Variants in AIFM2 observed in about 807,000 individuals in gnomAD.
The protein encoded by AIFM2 is ferroptosis suppressor protein 1.
In AIFM2, 38 loss-of-function variants were observed where a neutral mutation model predicts 35.7. The observed-to-expected ratio is 1.06, with a 90% CI of 0.82 to 1.39. The LOEUF (loss-of-function observed/expected upper bound fraction) is 1.39, where lower values mean the gene tolerates loss of function less well. Ranked by LOEUF, AIFM2 falls within the 40% of genes most tolerant of loss-of-function variation. The pLI is 0.00. For missense variants in AIFM2, 476 were observed against 491.2 expected, an observed-to-expected ratio of 0.97 and a Z score of 0.29; for synonymous variants, 185 against 203.5, an observed-to-expected ratio of 0.91 and a Z score of 0.77.
chr10:70,121,014 C>T, intron 4 of AIFM2, 78 bp downstream of exon 4: 1 of 1,545,356 alleles, frequency 6.5e-7, no homozygotes, highest in Non-Finnish European at 8.7e-7. Context: ...CCGTGGCCTC[C>T]CAGCTGCAGG....
rs2072501428 is a variant in AIFM2, at chr10:70,121,225, A to G, written c.295-14T>C. ...GAAGGGCAGGGCCTGAGAGAAACCA[A>G]AAAAAAAAAAAAAAAAAAAAAAAAA... On this transcript the variant is annotated splice_polypyrimidine_tract_variant and intron_variant, in intron 3 of 8. Transcript: ENST00000307864. 1 of 188,704 alleles carries G rather than the reference A, an allele frequency of 5.3e-6. No homozygotes were observed. Among genetic ancestry groups the G allele is most frequent in the Non-Finnish European group, 6.6e-6 (1 of 151,320 alleles). 11.7% of individuals were successfully genotyped at this position (188,704 alleles called of 1,614,324 possible).
At position 70,116,544 on chromosome 10, in the gene AIFM2, G is replaced by A. The variant is rs146051540; in HGVS notation, c.769+78C>T. On this transcript the variant is annotated intron_variant, in intron 7 of 8. Coordinates refer to ENST00000307864, the MANE Select transcript of AIFM2 (RefSeq NM_032797.6). ...AAGGCAGCAAGGTGTGGACTCCTGG[G>A]GGCAAGCACTGCAGGGCATTCAGAG... 9.8e-4 allele frequency: 1,533 copies of A among 1,569,646 alleles called. 1 individual carries two copies. The highest frequency in any genetic ancestry group is 1.2e-3 in the Non-Finnish European group (1,400 of 1,147,222).
intron 8 of AIFM2, 31 bp downstream of exon 8, chr10:70,114,889 A>AAT: frequency 6.2e-7 from 1 of 1,609,928 alleles, no homozygotes; most frequent in Non-Finnish European, 8.5e-7. Flanking sequence ...AAACTCTATT[A>AAT]AAACTGCAAA....
At chr10:70,118,733 T>A (rs2072465293) in intron 5 of AIFM2, among the ~76,000 whole-genome samples, 1 of 152,208 alleles carries the variant, frequency 6.6e-6, no homozygotes, top group African/African-American at 2.4e-5. Context: ...AAAACCCTTG[T>A]AAATTGGGGT....
At chr10:70,128,496 C>T (rs2072593004) in intron 1 of AIFM2, among the ~76,000 whole-genome samples, 1 of 152,204 alleles carries the variant, frequency 6.6e-6, no homozygotes, top group African/African-American at 2.4e-5. Flanking sequence ...GTAGCTGGAA[C>T]TACAGGCATG....
chr10:70,115,829 C>A (rs2072430088), intron 7 of AIFM2, among the ~76,000 whole-genome samples: 1 of 152,140 alleles, frequency 6.6e-6, no homozygotes, highest in Non-Finnish European at 1.5e-5. Flanking sequence ...TAATAAATGG[C>A]AAACTGCTTT....
intron 1 of AIFM2, among the ~76,000 whole-genome samples, chr10:70,127,876 C>A (rs2072586149): frequency 6.6e-6 from 1 of 152,224 alleles, no homozygotes; most frequent in Non-Finnish European, 1.5e-5. Flanking sequence ...GCCTCTCCTG[C>A]AATCTGCTCT....
rs2072622356 is a variant in AIFM2 at position 70,131,152 on chromosome 10, G to A, written c.-14+1582C>T. Among the ~76,000 whole-genome samples, 1 of 152,216 alleles carries A rather than the reference G, an allele frequency of 6.6e-6. No individual in the cohort carries two copies. Among genetic ancestry groups the A allele is most frequent in the African/African-American group, 2.4e-5 (1 of 41,448 alleles). ...TGTGGGCTCTGATCAAAGCAAGAATGTCATCCCAGAGTTGCTCCAGTATTG... is the reference window on the plus strand; with the variant it reads ...TGTGGGCTCTGATCAAAGCAAGAATATCATCCCAGAGTTGCTCCAGTATTG... On this transcript the variant is annotated intron_variant, in intron 1 of 8. Coordinates refer to ENST00000307864, the MANE Select transcript of AIFM2 (RefSeq NM_032797.6). The surrounding 1 kb of genome is among the most constrained non-coding windows in gnomAD (Gnocchi z 4.1).
chr10:70,123,889 C>T lies in AIFM2; in HGVS notation c.178+18G>A. The T allele has an allele frequency of 6.5e-7, 1 of 1,540,526 alleles. No individual in the cohort carries two copies. ...AAGACCCCCCTCACAGAGACAGCCC[C>T]AGACGGGAGCACATTACCTGTCTCC... On this transcript the variant is annotated intron_variant, in intron 2 of 8. Coordinates refer to ENST00000307864, the MANE Select transcript of AIFM2 (RefSeq NM_032797.6).
At chr10:70,132,634 G>T (rs914141089) in intron 1 of AIFM2, 100 bp downstream of exon 1, 1 of 152,186 alleles carries the variant, frequency 6.6e-6, no homozygotes, top group Non-Finnish European at 1.5e-5. Flanking sequence ...CGCCAGACGC[G>T]GCGTGAGCCA....
At chr10:70,129,650 T>C (rs938733644) in intron 1 of AIFM2, among the ~76,000 whole-genome samples, 10 of 152,222 alleles carry the variant, frequency 6.6e-5, no homozygotes, top group Non-Finnish European at 1.2e-4. Flanking sequence ...AAAGTGCTAA[T>C]AGTGGTCATA....
intron 7 of AIFM2, among the ~76,000 whole-genome samples, chr10:70,115,514 C>T (rs2072426018): frequency 6.6e-6 from 1 of 152,230 alleles, no homozygotes; most frequent in African/African-American, 2.4e-5. Context: ...TGCCTGTAAT[C>T]CCAACTCTTT....
At chr10:70,120,344 T>A (rs2072485706) in intron 5 of AIFM2, among the ~76,000 whole-genome samples, 163 bp downstream of exon 5, 1 of 151,888 alleles carries the variant, frequency 6.6e-6, no homozygotes, top group Non-Finnish European at 1.5e-5. Flanking sequence ...GCAGGAAAAA[T>A]CCCCTATAGA....
intron 1 of AIFM2, among the ~76,000 whole-genome samples, chr10:70,125,315 A>T (rs1349700603): frequency 6.6e-6 from 1 of 151,876 alleles, no homozygotes; most frequent in East Asian, 1.9e-4. Context: ...ACTTGTAGAG[A>T]TGGGGCTGGG....
intron 1 of AIFM2, among the ~76,000 whole-genome samples, chr10:70,130,575 C>T (rs1216179119): frequency 3.3e-5 from 5 of 152,168 alleles, no homozygotes; most frequent in Admixed American, 6.5e-5. Flanking sequence ...CATCAGCTGA[C>T]GGGCACTTGG....
intron 1 of AIFM2, among the ~76,000 whole-genome samples, chr10:70,126,532 C>A (rs1308476314): frequency 6.6e-6 from 1 of 152,176 alleles, no homozygotes; most frequent in African/African-American, 2.4e-5. Context: ...TGGGGCACAA[C>A]CCCTTCCCTC....
At chr10:70,130,696 G>A (rs2072618395) in intron 1 of AIFM2, among the ~76,000 whole-genome samples, 1 of 152,174 alleles carries the variant, frequency 6.6e-6, no homozygotes, top group Non-Finnish European at 1.5e-5. Flanking sequence ...GTATGGAATT[G>A]CTGGGTCATA....
intron 3 of AIFM2, among the ~76,000 whole-genome samples, chr10:70,123,200 G>A (rs1432942325): frequency 6.6e-6 from 1 of 152,182 alleles, no homozygotes; most frequent in Non-Finnish European, 1.5e-5. Flanking sequence ...TGTATTTTCA[G>A]TAGAGACAGG....
Position 70,124,043 on chromosome 10 carries a change from C to G in AIFM2, c.42G>C (p.Val14=). 6.2e-7 allele frequency: 1 copy of G among 1,607,758 alleles called. No individual in the cohort carries two copies. ...CGCCAAAGCCCCCACCCACAATCACCACGTGCAGAGCTCCCGATTCCACCG... is the reference window on the plus strand; with the variant it reads ...CGCCAAAGCCCCCACCCACAATCACGACGTGCAGAGCTCCCGATTCCACCG... ...QVSVESGALH[V]VIVGGGFGGI... is the part of the protein sequence containing the mutation. The change falls in exon 2 of 9, where the codon GTG becomes GTC. Residue 14 remains valine (V), a synonymous_variant. Transcript: ENST00000307864.
Sources: gnomAD v4.1 joint callset for allele counts (sites outside exome capture counted in the v4.1 genomes callset) on GRCh38, gnomAD v4.1.1 for gene constraint, Gnocchi (gnomAD v3.1) non-coding constraint, MANE v1.5 for transcripts, NCBI Gene and HGNC (gene_info 2026-07-23, HGNC 2026-07-21) for gene names.